The following ELAVL1 variants were observed in gnomAD, a reference collection of about 807,000 sequenced individuals.
ELAVL1 encodes ELAV like RNA binding protein 1, also known as ELAV-like protein 1.
In ELAVL1, 1 loss-of-function variant was observed where a neutral mutation model predicts 28.4. The ratio of observed to expected loss-of-function variants is 0.04; its 90% CI spans 0.01 to 0.17. ELAVL1 has a LOEUF of 0.17. Among genes scored for constraint, ELAVL1 ranks in the 10% least tolerant of loss-of-function variants. The pLI, the probability that ELAVL1 is intolerant of heterozygous loss-of-function variation, is 1.00. For missense variants in ELAVL1, 157 were observed against 447.2 expected (o/e 0.35, Z 5.85); for synonymous variants, 174 against 183.5 (o/e 0.95, Z 0.42).
intron 5 of ELAVL1, among the ~76,000 whole-genome samples, chr19:7,967,058 C>T (rs933415992): frequency 6.7e-6 from 1 of 149,268 alleles, no homozygotes; most frequent in African/African-American, 2.5e-5. Context: ...CAAAAAAAGA[C>T]AGGTTCTGGC....
intron 1 of ELAVL1, among the ~76,000 whole-genome samples, chr19:8,001,217 C>A (rs1412540670): frequency 6.6e-6 from 1 of 152,120 alleles, no homozygotes; most frequent in Non-Finnish European, 1.5e-5. Context: ...CAGCTACAAA[C>A]ACCTTCATCT....
intron 4 of ELAVL1, among the ~76,000 whole-genome samples, chr19:7,969,882 G>T (rs1456098186): frequency 6.6e-6 from 1 of 151,958 alleles, no homozygotes; most frequent in South Asian, 2.1e-4. Context: ...TTTAGCAGAG[G>T]GGGATATCAA....
intron 5 of ELAVL1, among the ~76,000 whole-genome samples, chr19:7,966,070 G>A (rs966263163): frequency 3.9e-5 from 6 of 152,246 alleles, no homozygotes; most frequent in East Asian, 3.9e-4. Context: ...CCGGGCTCAC[G>A]CCTATAATCC....
intron 1 of ELAVL1, among the ~76,000 whole-genome samples, chr19:8,003,957 G>C (rs1483274553): frequency 6.6e-6 from 1 of 152,162 alleles, no homozygotes; most frequent in African/African-American, 2.4e-5. Flanking sequence ...GTACAATCGA[G>C]TGGTTAAGAG....
chr19:7,968,240 A>T (rs1286345514), intron 4 of ELAVL1, among the ~76,000 whole-genome samples: 1 of 151,760 alleles, frequency 6.6e-6, no homozygotes, highest in African/African-American at 2.4e-5. Flanking sequence ...CTCAGGGGCC[A>T]CTCTCCTGGC....
intron 2 of ELAVL1, among the ~76,000 whole-genome samples, chr19:7,989,968 T>A (rs1985707469): frequency 6.6e-6 from 1 of 152,228 alleles, no homozygotes; most frequent in African/African-American, 2.4e-5. Flanking sequence ...TACATCAGGT[T>A]CAACACATCA....
chr19:7,973,431 C>T, intron 4 of ELAVL1: 1 of 433,294 alleles, frequency 2.3e-6, no homozygotes, highest in South Asian at 6.7e-5. Context: ...AGGGTTTCAC[C>T]ATGTTGGTCA....
chr19:7,988,942 G>A (rs905421787), intron 2 of ELAVL1, among the ~76,000 whole-genome samples: 2 of 152,222 alleles, frequency 1.3e-5, no homozygotes, highest in African/African-American at 4.8e-5. Context: ...AGCTGGAGAC[G>A]CTATTAGTTC....
At chr19:7,968,702 T>G (rs1985023418) in intron 4 of ELAVL1, among the ~76,000 whole-genome samples, 1 of 152,202 alleles carries the variant, frequency 6.6e-6, no homozygotes, top group African/African-American at 2.4e-5. Context: ...CGTCCTGCTA[T>G]GGGGGACATT....
Position 7,979,536 on chromosome 19 carries a change from A to G in ELAVL1, c.276+1547T>C, listed in dbSNP as rs912949160. Among the ~76,000 whole-genome samples, 18 of 152,260 alleles carry G rather than the reference A, an allele frequency of 1.2e-4. No homozygotes were observed. Among genetic ancestry groups the G allele is most frequent in the African/African-American group, 3.9e-4 (16 of 41,544 alleles). The stretch of plus-strand genomic sequence containing the variant: ...GCCTCAGAAACAAGAACCTTCACAC[A>G]TTTTCTAAATAGGGGAGAGAATTCC... On this transcript the variant is annotated intron_variant, in intron 3 of 5. Coordinates refer to ENST00000407627, the MANE Select transcript of ELAVL1 (RefSeq NM_001419.3). This position sits in a 1 kb window ranked among gnomAD's most constrained non-coding sequence, Gnocchi z 5.4.
chr19:7,992,250 G>A (rs924834410), intron 1 of ELAVL1, among the ~76,000 whole-genome samples: 7 of 152,040 alleles, frequency 4.6e-5, no homozygotes, highest in East Asian at 3.8e-4. Context: ...CCTGCACTTA[G>A]AGATTCTTTT....
At chr19:7,984,901 C>A (rs1020049078) in intron 2 of ELAVL1, among the ~76,000 whole-genome samples, 5 of 152,228 alleles carry the variant, frequency 3.3e-5, no homozygotes, top group Admixed American at 6.5e-5. Context: ...ACACCCCCAA[C>A]CAATGAAGTC....
At chr19:7,964,487 T>C (rs940978340) in intron 5 of ELAVL1, among the ~76,000 whole-genome samples, 1 of 152,102 alleles carries the variant, frequency 6.6e-6, no homozygotes, top group Non-Finnish European at 1.5e-5. Flanking sequence ...CTCACCAAAC[T>C]TGACCACACA....
intron 4 of ELAVL1, among the ~76,000 whole-genome samples, chr19:7,969,247 T>C (rs1774781741): frequency 6.6e-6 from 1 of 152,022 alleles, no homozygotes; most frequent in Non-Finnish European, 1.5e-5. Context: ...TTAAGTCAGG[T>C]TTCTTCTCCA....
chr19:7,968,940 G>A (rs1985030247), intron 4 of ELAVL1, among the ~76,000 whole-genome samples: 1 of 152,188 alleles, frequency 6.6e-6, no homozygotes. Flanking sequence ...GATGGAGTCA[G>A]GGGAAGGCCC....
intron 4 of ELAVL1, among the ~76,000 whole-genome samples, chr19:7,968,898 C>T (rs146541438): frequency 6.6e-5 from 10 of 152,236 alleles, no homozygotes; most frequent in African/African-American, 1.4e-4. Flanking sequence ...CACTGAGCAG[C>T]GCACTAGCTC....
chr19:7,968,266 C>T (rs1051402936), intron 4 of ELAVL1, among the ~76,000 whole-genome samples: 4 of 152,172 alleles, frequency 2.6e-5, no homozygotes, highest in Admixed American at 1.3e-4. Context: ...TCTCTGGGCC[C>T]GCTGTGACAG....
intron 2 of ELAVL1, among the ~76,000 whole-genome samples, chr19:7,987,254 T>C (rs1985632105): frequency 6.6e-6 from 1 of 151,818 alleles, no homozygotes; most frequent in Non-Finnish European, 1.5e-5. Context: ...ACCAGAGATA[T>C]ACAGCAAGAC....
rs1225548569 is a variant in ELAVL1, at chr19:7,963,351, C to T, written c.*132G>A. ...CGGTTGCATCCCAGAGTATAAAAAC[C>T]TTCTCACTTCTCATTCAGACAAAGA... is the stretch of plus-strand genomic sequence containing the variant. On this transcript the variant is annotated 3_prime_UTR_variant, in exon 6 of 6. Coordinates refer to ENST00000407627, the MANE Select transcript of ELAVL1 (RefSeq NM_001419.3). The surrounding 1 kb of genome is among the most constrained non-coding windows in gnomAD (Gnocchi z 4.5). The T allele has an allele frequency of 9.2e-7, 1 of 1,082,392 alleles. No individual in the cohort carries two copies. The highest frequency in any genetic ancestry group is 1.6e-5 in the African/African-American group (1 of 62,820). The allele number at this position is 1,082,392 out of a possible 1,614,324, so 67.0% of individuals were successfully genotyped here.
Sources: gnomAD v4.1 joint callset for allele counts (sites outside exome capture counted in the v4.1 genomes callset) on GRCh38, gnomAD v4.1.1 for gene constraint, Gnocchi (gnomAD v3.1) non-coding constraint, MANE v1.5 for transcripts, NCBI Gene and HGNC (gene_info 2026-07-23, HGNC 2026-07-21) for gene names.